Variants in RBIS observed in about 807,000 individuals in gnomAD.
RBIS encodes the protein ribosome biogenesis factor identified in screen.
A neutral mutation model predicts 9.8 loss-of-function variants in RBIS; 9 were observed. That is an observed-to-expected ratio of 0.92 (90% CI 0.56 to 1.61). RBIS has a LOEUF of 1.61. Among genes scored for constraint, RBIS ranks in the 40% most tolerant of loss-of-function variants. The pLI, the probability that RBIS is intolerant of heterozygous loss-of-function variation, is 0.00. For missense variants in RBIS, 103 were observed against 116.0 expected (o/e 0.89, Z 0.51); for synonymous variants, 35 against 37.9 (o/e 0.92, Z 0.28).
intron 1 of RBIS, among the ~76,000 whole-genome samples, chr8:85,219,623 C>T (rs1813285007): frequency 6.6e-6 from 1 of 151,940 alleles, no homozygotes; most frequent in African/African-American, 2.4e-5. Context: ...TGGTGACGCG[C>T]GCCTCTAATC....
At chr8:85,219,556 C>T (rs1404276683) in intron 1 of RBIS, among the ~76,000 whole-genome samples, 1 of 151,924 alleles carries the variant, frequency 6.6e-6, no homozygotes, top group Non-Finnish European at 1.5e-5. Flanking sequence ...TCGAGACCAC[C>T]CTGGCCAACA....
Position 85,217,818 on chromosome 8 carries a change from C to A in RBIS, c.-3-316G>T. On this transcript the variant is annotated intron_variant, in intron 1 of 3. Coordinates refer to ENST00000619594, the MANE Select transcript of RBIS (RefSeq NM_001099673.3). The stretch of plus-strand genomic sequence containing the variant: ...TTCTCAGCAGTACCTCACCACCCAT[C>A]CTTCTGTTAGTCTATATACTACTAT... 3 of 314,728 alleles carry A rather than the reference C, an allele frequency of 9.5e-6. No homozygotes were observed. In the South Asian group the frequency reaches 1.3e-4, roughly 13 times the overall value. 19.5% of individuals were successfully genotyped at this position (314,728 alleles called of 1,614,324 possible).
Position 85,214,991 on chromosome 8 carries a change from AAAGC to A in RBIS, c.157_160del (p.Ala53LeufsTer2). The stretch of plus-strand genomic sequence containing the variant: ...TGCAAGTTCCTTTTGTACATTTACA[AAAGC>A]TTTATTTACTCTGTTAACTTTTTCC... On this transcript the variant is annotated frameshift_variant, in exon 3 of 4. Coordinates refer to ENST00000619594, the MANE Select transcript of RBIS (RefSeq NM_001099673.3). LOFTEE classifies it high-confidence loss of function. The A allele has an allele frequency of 6.3e-7, 1 of 1,581,234 alleles. No individual in the cohort carries two copies. Among genetic ancestry groups the A allele is most frequent in the Non-Finnish European group, 8.6e-7 (1 of 1,158,350 alleles).
In RBIS at chr8:85,214,246, T is replaced by C; in HGVS notation, c.*314A>G. On this transcript the variant is annotated 3_prime_UTR_variant, in exon 4 of 4. Transcript: ENST00000619594. Reference sequence around the variant, plus strand: ...TCTTATATTTTTACTGCCACTAAACTGCCTGTATTTCTGTATGTCCTTCTA... The same window carrying C: ...TCTTATATTTTTACTGCCACTAAACCGCCTGTATTTCTGTATGTCCTTCTA... The C allele has an allele frequency of 1.8e-6, 1 of 552,528 alleles. No homozygotes were observed. Among genetic ancestry groups the C allele is most frequent in the Admixed American group, 2.3e-5 (1 of 43,586 alleles). The allele number at this position is 552,528 out of a possible 1,614,324, so 34.2% of individuals were successfully genotyped here.
chr8:85,219,739 A>G (rs763662979), intron 1 of RBIS, among the ~76,000 whole-genome samples: 1 of 152,018 alleles, frequency 6.6e-6, no homozygotes, highest in Non-Finnish European at 1.5e-5. Flanking sequence ...AGTCTCAAAA[A>G]TAAATAAATA....
Position 85,214,639 on chromosome 8 carries a change from G to A in RBIS, c.232-8C>T, listed in dbSNP as rs774506628. ...ATGACGCTGCTGAGGAATCTGAAAGGAGAAAGTATTATATTTAAAAACACA... is the reference window on the plus strand; with the variant it reads ...ATGACGCTGCTGAGGAATCTGAAAGAAGAAAGTATTATATTTAAAAACACA... On this transcript the variant is annotated splice_polypyrimidine_tract_variant and splice_region_variant and intron_variant, in intron 3 of 3. Transcript: ENST00000619594. The A allele has an allele frequency of 3.3e-6, 5 of 1,500,814 alleles. No homozygotes were observed. The South Asian group carries it at 5.7e-5, about 17-fold the overall frequency. The allele number at this position is 1,500,814 out of a possible 1,614,324, so 93.0% of individuals were successfully genotyped here. A position where few individuals can be genotyped will look rare whatever the true frequency, so the allele number is the denominator to read the frequency against.
At position 85,215,026 on chromosome 8, in the gene RBIS, C is replaced by A; in HGVS notation, c.126G>T (p.Met42Ile). The A allele has an allele frequency of 7.3e-7, 1 of 1,373,416 alleles. No individual in the cohort carries two copies. The highest frequency in any genetic ancestry group is 1.3e-5 in the South Asian group (1 of 76,904). The allele number at this position is 1,373,416 out of a possible 1,614,324, so 85.1% of individuals were successfully genotyped here. Reference protein sequence around the residue: ...VTTNLKKINIMNEEKVNRVNK... With the variant: ...VTTNLKKINIINEEKVNRVNK... ...TTACTCTGTTAACTTTTTCCTCATT[C>A]ATAATGTTTATCTTTTAAAAAGAAA... The change falls in exon 3 of 4, where the codon ATG becomes ATT. Residue 42 changes from methionine (M) to isoleucine (I), a missense_variant. By Grantham distance (10) the Met-to-Ile change is conservative. Transcript: ENST00000619594.
chr8:85,220,142 C>G (rs1041506535), intron 1 of RBIS, among the ~76,000 whole-genome samples, 164 bp downstream of exon 1: 6 of 152,312 alleles, frequency 3.9e-5, no homozygotes, highest in African/African-American at 1.4e-4. Context: ...GAAAGCCCAA[C>G]AAGCACCGGG....
chr8:85,218,439 T>C (rs1813231193), intron 1 of RBIS, among the ~76,000 whole-genome samples: 1 of 151,972 alleles, frequency 6.6e-6, no homozygotes, highest in Non-Finnish European at 1.5e-5. Context: ...AAAAAAATGG[T>C]ATAGTATTGC....
chr8:85,216,244 T>C (rs545882407), intron 2 of RBIS: 1 of 152,382 alleles, frequency 6.6e-6, no homozygotes, highest in Admixed American at 6.5e-5. Context: ...CTGGACCTTC[T>C]TGTCTTAATG....
At chr8:85,214,827 A>T (rs1813069600) in intron 3 of RBIS, 94 bp downstream of exon 3, 2 of 786,316 alleles carry the variant, frequency 2.5e-6, no homozygotes, top group East Asian at 2.6e-5. Flanking sequence ...AGTACTAAAA[A>T]TTACACTCAA....
chr8:85,214,183 G>A lies in RBIS; in HGVS notation c.*377C>T, dbSNP rs1370527739. ...AGGAGGAAAGTTAAAGGACACTACA[G>A]GTCATCAAAAACAAGTTGGCCAAGG... is the stretch of plus-strand genomic sequence containing the variant. On this transcript the variant is annotated 3_prime_UTR_variant, in exon 4 of 4. Transcript: ENST00000619594. The A allele has an allele frequency of 1.9e-6, 1 of 536,294 alleles. No homozygotes were observed. The highest frequency in any genetic ancestry group is 4.8e-5 in the East Asian group (1 of 21,002). The allele number at this position is 536,294 out of a possible 1,614,324, so 33.2% of individuals were successfully genotyped here.
chr8:85,215,341 T>A (rs1336090252), intron 2 of RBIS: 2 of 158,718 alleles, frequency 1.3e-5, no homozygotes, highest in African/African-American at 4.8e-5. Flanking sequence ...TTTCCTGTCA[T>A]ACAGCTTTTT....
chr8:85,214,498 AAAATT>A lies in RBIS; in HGVS notation c.*57_*61del. On this transcript the variant is annotated 3_prime_UTR_variant, in exon 4 of 4. Coordinates refer to ENST00000619594, the MANE Select transcript of RBIS (RefSeq NM_001099673.3). The stretch of plus-strand genomic sequence containing the variant: ...GTACATTAACAAGATTTTTAAAAAT[AAAATT>A]GTATAAAACATTCAATTTATTGGTC... 1 of 1,142,534 alleles carries A rather than the reference AAAATT, an allele frequency of 8.8e-7. No homozygotes were observed. The highest frequency in any genetic ancestry group is 1.6e-5 in the African/African-American group (1 of 64,374). 70.8% of individuals were successfully genotyped at this position (1,142,534 alleles called of 1,614,324 possible).
chr8:85,217,081 G>A lies in RBIS; in HGVS notation c.114+305C>T. The A allele has an allele frequency of 5.7e-6, 3 of 528,190 alleles. No individual in the cohort carries two copies. In the East Asian group the frequency reaches 9.3e-5, roughly 16 times the overall value. 32.7% of individuals were successfully genotyped at this position (528,190 alleles called of 1,614,324 possible). On this transcript the variant is annotated intron_variant, in intron 2 of 3. Coordinates refer to ENST00000619594, the MANE Select transcript of RBIS (RefSeq NM_001099673.3). Reference sequence around the variant, plus strand: ...ATACATTCTTACATTTGAGTTTAGAGATAAGAACTGTTTCCCATACTATGG... The same window carrying A: ...ATACATTCTTACATTTGAGTTTAGAAATAAGAACTGTTTCCCATACTATGG...
At chr8:85,215,982 C>T (rs1813132971) in intron 2 of RBIS, 1 of 152,186 alleles carries the variant, frequency 6.6e-6, no homozygotes, top group Non-Finnish European at 1.5e-5. Context: ...AAAGGACACC[C>T]AGCTGCTGCC....
chr8:85,218,323 TCA>T (rs949368951), intron 1 of RBIS, among the ~76,000 whole-genome samples: 1 of 152,010 alleles, frequency 6.6e-6, no homozygotes, highest in Non-Finnish European at 1.5e-5. Flanking sequence ...TTGCCCAATG[TCA>T]CACTGTCAAT....
chr8:85,215,303 A>G (rs1813098810), intron 2 of RBIS: 1 of 174,774 alleles, frequency 5.7e-6, no homozygotes, highest in Non-Finnish European at 1.2e-5. Context: ...ATAATAAGAT[A>G]TATATATATA....
At chr8:85,216,407 C>T (rs954031375) in intron 2 of RBIS, 1 of 152,286 alleles carries the variant, frequency 6.6e-6, no homozygotes, top group African/African-American at 2.4e-5. Flanking sequence ...ACCCATAGAT[C>T]TCTCTCTTAG....
Sources: allele counts gnomAD v4.1 joint callset (sites outside exome capture counted in the v4.1 genomes callset), GRCh38; gene constraint gnomAD v4.1.1; transcripts MANE v1.5; gene names NCBI Gene and HGNC (gene_info 2026-07-23, HGNC 2026-07-21).